PALLD: variants seen among roughly 807,000 people sequenced by gnomAD.
PALLD encodes palladin.
Under a neutral mutation model 123.5 loss-of-function variants are expected in PALLD, and 61 were observed. That is an observed-to-expected ratio of 0.49 (90% CI 0.40 to 0.61). PALLD has a LOEUF of 0.61. Ranked by LOEUF, PALLD falls within the 20% of genes least tolerant of loss-of-function variation. The probability of loss-of-function intolerance (pLI) is 0.00; values close to 1 mark genes in which losing one functional copy is unlikely to be tolerated. For synonymous variants in PALLD, 465 were observed against 496.4 expected (o/e 0.94, Z 0.84); for missense variants, 1,273 against 1,377.0 (o/e 0.92, Z 1.20).
At chr4:168,651,342 G>A (rs1778021264) in intron 2 of PALLD, among the ~76,000 whole-genome samples, 1 of 152,102 alleles carries the variant, frequency 6.6e-6, no homozygotes, top group Non-Finnish European at 1.5e-5. Context: ...TAACATCCAA[G>A]GTTAGCTCTT....
At chr4:168,764,410 A>T (rs957432455) in intron 10 of PALLD, among the ~76,000 whole-genome samples, 1 of 152,146 alleles carries the variant, frequency 6.6e-6, no homozygotes, top group Admixed American at 6.6e-5. Flanking sequence ...AGGAACATTT[A>T]AAAAAATTTT....
intron 10 of PALLD, chr4:168,828,978 T>C (rs1433374745): frequency 6.6e-6 from 1 of 152,174 alleles, no homozygotes; most frequent in Non-Finnish European, 1.5e-5. Flanking sequence ...ATAAAAGTAA[T>C]AGAAGGAGAA....
chr4:168,917,539 T>C (rs1423734777), intron 17 of PALLD, among the ~76,000 whole-genome samples: 1 of 152,244 alleles, frequency 6.6e-6, no homozygotes, highest in African/African-American at 2.4e-5. Context: ...CCCTGTTTAC[T>C]GATCTTAAAT....
chr4:168,797,846 C>A, intron 10 of PALLD, among the ~76,000 whole-genome samples: 1 of 150,374 alleles, frequency 6.7e-6, no homozygotes, highest in South Asian at 2.1e-4. Flanking sequence ...CACCACCATA[C>A]AGCTGCTCGC....
At chr4:168,916,125 A>C (rs1225731727) in intron 17 of PALLD, 98 bp downstream of exon 17, 1 of 1,221,130 alleles carries the variant, frequency 8.2e-7, no homozygotes, top group Non-Finnish European at 1.2e-6. Context: ...TAAAGTATAA[A>C]ATGAGAGCTG....
intron 10 of PALLD, chr4:168,756,332 T>C: frequency 4.2e-6 from 1 of 236,904 alleles, no homozygotes; most frequent in Non-Finnish European, 8.8e-6. Context: ...ATCAGAACAT[T>C]TTGGATGGTA....
intron 6 of PALLD, among the ~76,000 whole-genome samples, chr4:168,689,591 G>C (rs530561224): frequency 2.0e-4 from 30 of 151,452 alleles, no homozygotes; most frequent in Non-Finnish European, 4.0e-4. Flanking sequence ...GGGATTACAG[G>C]TGTCTGCCAC....
At chr4:168,700,089 C>A in intron 8 of PALLD, 1 of 314,024 alleles carries the variant, frequency 3.2e-6, no homozygotes, top group South Asian at 3.1e-5. Flanking sequence ...TGGCTCATCT[C>A]ATTTCCTCAT....
At chr4:168,856,713 AC>A (rs1748659364) in intron 10 of PALLD, among the ~76,000 whole-genome samples, 3 of 152,222 alleles carry the variant, frequency 2.0e-5, no homozygotes, top group Admixed American at 2.0e-4. Flanking sequence ...GATCAAAGAA[AC>A]TCAGCCAGTA....
intron 10 of PALLD, among the ~76,000 whole-genome samples, chr4:168,741,928 G>A (rs1441456414): frequency 6.6e-6 from 1 of 152,162 alleles, no homozygotes; most frequent in Non-Finnish European, 1.5e-5. Flanking sequence ...GTCAGAGCAC[G>A]CCAAAGCCCA....
At chr4:168,832,043 T>G (rs960955148) in intron 10 of PALLD, 16 of 985,262 alleles carry the variant, frequency 1.6e-5, no homozygotes, top group Non-Finnish European at 1.9e-5. Context: ...CGGAGCCTCC[T>G]GAGTCACCCG....
intron 2 of PALLD, among the ~76,000 whole-genome samples, chr4:168,579,476 A>G (rs1769999979): frequency 6.6e-6 from 1 of 152,184 alleles, no homozygotes; most frequent in African/African-American, 2.4e-5. Flanking sequence ...TAGCTATGCA[A>G]TACAGCGCAC....
intron 2 of PALLD, among the ~76,000 whole-genome samples, chr4:168,565,561 TGAG>T (rs1226761404): frequency 6.6e-6 from 1 of 151,986 alleles, no homozygotes; most frequent in African/African-American, 2.4e-5. Flanking sequence ...GAGAGGCACA[TGAG>T]GAGACTGGGG....
chr4:168,841,553 T>A (rs1250528793), intron 10 of PALLD, among the ~76,000 whole-genome samples: 1 of 152,260 alleles, frequency 6.6e-6, no homozygotes, highest in South Asian at 2.1e-4. Flanking sequence ...GAGGAGAAAA[T>A]GCAGCAGTGG....
At chr4:168,781,061 G>T (rs1354020331) in intron 10 of PALLD, among the ~76,000 whole-genome samples, 2 of 152,104 alleles carry the variant, frequency 1.3e-5, no homozygotes, top group East Asian at 3.9e-4. Context: ...TTTTTTAAAT[G>T]CCAACAGAAT....
intron 2 of PALLD, among the ~76,000 whole-genome samples, chr4:168,582,638 G>A (rs1187874130): frequency 6.6e-6 from 1 of 152,052 alleles, no homozygotes; most frequent in African/African-American, 2.4e-5. Context: ...CTTATGAAAG[G>A]AGTTAATTTT....
chr4:168,925,973 A>AAAAG (rs1176560443), intron 21 of PALLD, among the ~76,000 whole-genome samples: 1 of 152,188 alleles, frequency 6.6e-6, no homozygotes, highest in Non-Finnish European at 1.5e-5. Flanking sequence ...TTAAAAAAAA[A>AAAAG]AAAGATAAAC....
At chr4:168,833,750 C>A (rs1287152357) in intron 10 of PALLD, among the ~76,000 whole-genome samples, 1 of 149,144 alleles carries the variant, frequency 6.7e-6, no homozygotes, top group Non-Finnish European at 1.5e-5. Flanking sequence ...TTTTTCACAT[C>A]CCCCCAAAAC....
intron 10 of PALLD, among the ~76,000 whole-genome samples, chr4:168,764,602 T>C (rs1470347586): frequency 6.6e-6 from 1 of 152,096 alleles, no homozygotes; most frequent in East Asian, 1.9e-4. Flanking sequence ...TTTTTTTTTC[T>C]GGCTCAGAAA....
Sources: gnomAD v4.1 joint callset for allele counts (sites outside exome capture counted in the v4.1 genomes callset) on GRCh38, gnomAD v4.1.1 for gene constraint, MANE v1.5 for transcripts, NCBI Gene and HGNC (gene_info 2026-07-23, HGNC 2026-07-21) for gene names.